The following CDH10 variants were observed in gnomAD, a reference collection of about 807,000 sequenced individuals.
The protein encoded by CDH10 is cadherin-10.
CDH10 carries 30 observed loss-of-function variants against 73.1 expected under a neutral mutation model. The ratio of observed to expected loss-of-function variants is 0.41; its 90% CI spans 0.31 to 0.56. CDH10 has a LOEUF of 0.56. CDH10 is among the 20% of genes least tolerant of loss of function. CDH10 has a pLI of 0.27. For synonymous variants in CDH10, 345 were observed against 348.2 expected, an observed-to-expected ratio of 0.99 and a Z score of 0.10; for missense variants, 815 against 973.7, an observed-to-expected ratio of 0.84 and a Z score of 2.17.
At chr5:24,504,014 AATG>A (rs561904315) in intron 8 of CDH10, among the ~76,000 whole-genome samples, 93 of 152,290 alleles carry the variant, frequency 6.1e-4, no homozygotes, top group Non-Finnish European at 1.0e-3. Context: ...TTTTTCCACA[AATG>A]ATAATATCTT....
chr5:24,522,977 A>G (rs1468483683), intron 5 of CDH10, among the ~76,000 whole-genome samples: 1 of 151,992 alleles, frequency 6.6e-6, no homozygotes, highest in Non-Finnish European at 1.5e-5. Context: ...CAGAAAGCCA[A>G]AGAAGGAGGT....
intron 8 of CDH10, chr5:24,499,213 T>C (rs1228385261): frequency 2.0e-5 from 3 of 152,724 alleles, no homozygotes; most frequent in South Asian, 2.1e-4. Flanking sequence ...TGATGAAATA[T>C]GAAGATTCAC....
At chr5:24,627,018 T>C (rs974394981) in intron 1 of CDH10, among the ~76,000 whole-genome samples, 1 of 151,760 alleles carries the variant, frequency 6.6e-6, no homozygotes, top group African/African-American at 2.4e-5. Flanking sequence ...TGCAAATCCC[T>C]TACCCTTCTA....
Position 24,509,667 on chromosome 5 carries a change from A to G in CDH10, c.1155T>C (p.Ser385=), listed in dbSNP as rs746224659. 2 of 1,612,774 alleles carry G rather than the reference A, an allele frequency of 1.2e-6. No individual in the cohort carries two copies. Among genetic ancestry groups the G allele is most frequent in the South Asian group, 1.1e-5 (1 of 91,064 alleles). The change falls in exon 7 of 12, where the codon AGT becomes AGC. Residue 385 remains serine, a synonymous_variant. Transcript: ENST00000264463. ...GAACTTCAAACAGATAGGAGGACCT[A>G]CTAAAAACAGGAGGTTCATCCACAT... ...IEDVDEPPVF[S]RSSYLFEVHE...
At chr5:24,551,020 A>G (rs1330578217) in intron 2 of CDH10, among the ~76,000 whole-genome samples, 14 of 152,084 alleles carry the variant, frequency 9.2e-5, no homozygotes, top group Non-Finnish European at 2.1e-4. Flanking sequence ...CTCAAAACCC[A>G]CCAATGGCTT....
intron 1 of CDH10, among the ~76,000 whole-genome samples, chr5:24,644,299 G>A (rs1402035011): frequency 1.3e-5 from 2 of 152,090 alleles, no homozygotes; most frequent in Non-Finnish European, 2.9e-5. Context: ...ATATTTTTTA[G>A]CATTTGTTCC....
Position 24,522,488 on chromosome 5 carries a change from T to TAAATAAAATAAAATA in CDH10, c.815-10989_815-10975dup, listed in dbSNP as rs149729376. Reference sequence around the variant, plus strand: ...AAAGTTCAAATCCAAAGCAAGAAAGTAAATAAAATAAAATAAAATAAAATA... The same window carrying TAAATAAAATAAAATA: ...AAAGTTCAAATCCAAAGCAAGAAAGTAAATAAAATAAAATAAAATAAAATAAAATAAAATAAAATA... On this transcript the variant is annotated intron_variant, in intron 5 of 11. Coordinates refer to ENST00000264463, the MANE Select transcript of CDH10 (RefSeq NM_006727.5). 3.3e-5 allele frequency among the ~76,000 whole-genome samples: 5 copies of TAAATAAAATAAAATA among 149,968 alleles called. No homozygotes were observed. In the East Asian group the frequency reaches 1.0e-3, roughly 30 times the overall value.
intron 1 of CDH10, among the ~76,000 whole-genome samples, chr5:24,601,045 G>C (rs536241917): frequency 8.4e-4 from 128 of 151,966 alleles, no homozygotes; most frequent in Non-Finnish European, 1.6e-3. Flanking sequence ...TTTAAGCAAA[G>C]AGCCATATAT....
intron 2 of CDH10, among the ~76,000 whole-genome samples, chr5:24,555,897 G>A (rs1424141463): frequency 1.3e-5 from 2 of 151,792 alleles, no homozygotes; most frequent in African/African-American, 2.4e-5. Context: ...TGAAGACAAT[G>A]AGCTGCCATC....
intron 2 of CDH10, among the ~76,000 whole-genome samples, chr5:24,556,861 A>G (rs1420634022): frequency 1.3e-5 from 2 of 151,896 alleles, no homozygotes; most frequent in Non-Finnish European, 3.0e-5. Flanking sequence ...CTGTGATATT[A>G]TTACACATTC....
At chr5:24,578,884 T>C (rs1357629495) in intron 2 of CDH10, among the ~76,000 whole-genome samples, 2 of 152,028 alleles carry the variant, frequency 1.3e-5, no homozygotes, top group Non-Finnish European at 2.9e-5. Flanking sequence ...TTAAAGAAAA[T>C]GCATTTTACA....
intron 2 of CDH10, among the ~76,000 whole-genome samples, chr5:24,585,684 A>C (rs1012206645): frequency 1.8e-4 from 28 of 152,196 alleles, no homozygotes; most frequent in African/African-American, 6.8e-4. Context: ...TCAGCCTCCC[A>C]AAGTGCCGGG....
In CDH10 at chr5:24,592,728, C is replaced by T. The variant is rs537041535; in HGVS notation, c.231+532G>A. 4.0e-4 allele frequency among the ~76,000 whole-genome samples: 61 copies of T among 151,688 alleles called. 1 individual carries two copies. Among genetic ancestry groups the T allele is most frequent in the African/African-American group, 1.3e-3 (55 of 41,444 alleles). Reference sequence around the variant, plus strand: ...TTCGTTTTTCTTTATACAAATGCACCCATAGTGTGACCTAAGAAAAATAAA... The same window carrying T: ...TTCGTTTTTCTTTATACAAATGCACTCATAGTGTGACCTAAGAAAAATAAA... On this transcript the variant is annotated intron_variant, in intron 2 of 11. Coordinates refer to ENST00000264463, the MANE Select transcript of CDH10 (RefSeq NM_006727.5).
At chr5:24,492,117 A>G (rs932279709) in intron 10 of CDH10, among the ~76,000 whole-genome samples, 2 of 152,192 alleles carry the variant, frequency 1.3e-5, no homozygotes, top group African/African-American at 2.4e-5. Context: ...ACAGATGATA[A>G]CAACTGGCTT....
chr5:24,601,123 T>G (rs1438924898), intron 1 of CDH10, among the ~76,000 whole-genome samples: 1 of 152,160 alleles, frequency 6.6e-6, no homozygotes, highest in Non-Finnish European at 1.5e-5. Flanking sequence ...ATAAATTAAA[T>G]CATTTTCATG....
At chr5:24,610,276 G>T (rs1482105994) in intron 1 of CDH10, among the ~76,000 whole-genome samples, 2 of 152,146 alleles carry the variant, frequency 1.3e-5, no homozygotes, top group South Asian at 2.1e-4. Flanking sequence ...ATGAGGCAAA[G>T]AATCCTAAAC....
rs2111684500 is a variant in CDH10, at chr5:24,498,468, A to T, written c.1445T>A (p.Val482Asp). 1.9e-6 allele frequency: 3 copies of T among 1,599,600 alleles called. No homozygotes were observed. The highest frequency in any genetic ancestry group is 2.6e-6 in the Non-Finnish European group (3 of 1,166,896). ...RVAVFVRILDVNDNAPQFAVF... is the reference protein window; with the variant it reads ...RVAVFVRILDDNDNAPQFAVF... ...AGCAAACTGTGGGGCATTGTCATTA[A>T]CATCCAAAATTCTCACAAAAACAGC... The change falls in exon 9 of 12, where the codon GTT becomes GAT. Residue 482 changes from valine (V) to aspartate (D), a missense_variant. This residue lies in a region of CDH10 where 516 missense variants were observed against 636.6 expected (regional missense o/e 0.81). Coordinates refer to ENST00000264463, the MANE Select transcript of CDH10 (RefSeq NM_006727.5).
intron 8 of CDH10, among the ~76,000 whole-genome samples, chr5:24,500,041 C>A (rs1742433973): frequency 1.3e-5 from 2 of 152,134 alleles, no homozygotes. Context: ...CAGCAGCAAC[C>A]TTATTAAATG....
intron 1 of CDH10, among the ~76,000 whole-genome samples, chr5:24,602,595 G>GA (rs1746605399): frequency 6.6e-6 from 1 of 152,072 alleles, no homozygotes. Flanking sequence ...TGCAACTTGG[G>GA]AAAATGTATT....
Sources: allele counts gnomAD v4.1 joint callset (sites outside exome capture counted in the v4.1 genomes callset), GRCh38; gene constraint gnomAD v4.1.1; regional missense constraint gnomAD v4.1.1; transcripts MANE v1.5; gene names NCBI Gene and HGNC (gene_info 2026-07-23, HGNC 2026-07-21).